Variants in CHRNA5 observed in about 807,000 individuals in gnomAD.
CHRNA5 encodes the protein neuronal acetylcholine receptor subunit alpha-5.
CHRNA5 carries 28 observed loss-of-function variants against 41.2 expected under a neutral mutation model. The ratio of observed to expected loss-of-function variants is 0.68; its 90% CI spans 0.50 to 0.93. The LOEUF is 0.93. Among genes scored for constraint, CHRNA5 ranks in the 40% least tolerant of loss-of-function variants. The probability of loss-of-function intolerance (pLI) is 0.00; values close to 1 mark genes in which losing one functional copy is unlikely to be tolerated. For missense variants in CHRNA5, 481 were observed against 581.9 expected (o/e 0.83, Z 1.78); for synonymous variants, 188 against 205.8 (o/e 0.91, Z 0.74).
At chr15:78,570,424 A>ATTTTTTTTTTTTTTTTTTTTTTTTTTTT (rs71148540) in intron 1 of CHRNA5, among the ~76,000 whole-genome samples, 2 of 64,172 alleles carry the variant, frequency 3.1e-5, no homozygotes, top group Non-Finnish European at 5.3e-5. Flanking sequence ...AATCCCGGCT[A>ATTTTTTTTTTTTTTTTTTTTTTTTTTTT]TTTTTTTTTT....
At chr15:78,593,337 G>T in exon 6 of CHRNA5, 2 of 1,356,816 alleles carry the variant, frequency 1.5e-6, no homozygotes, top group Non-Finnish European at 9.8e-7. Flanking sequence ...TGTAAGTTAT[G>T]TGTTAAATTT....
At chr15:78,575,217 A>G (rs1276660462) in intron 1 of CHRNA5, among the ~76,000 whole-genome samples, 6 of 152,158 alleles carry the variant, frequency 3.9e-5, no homozygotes, top group Admixed American at 6.5e-5. Flanking sequence ...TTAGGCAATG[A>G]ATGATAGTAA....
chr15:78,581,375 G>T (rs1442000672), intron 2 of CHRNA5, among the ~76,000 whole-genome samples: 2 of 152,046 alleles, frequency 1.3e-5, no homozygotes, highest in African/African-American at 4.8e-5. Flanking sequence ...CATTATCTTG[G>T]GCTCACACTT....
chr15:78,593,153 T>G (rs202066018), exon 6 of CHRNA5: 2 of 1,613,974 alleles, frequency 1.2e-6, no homozygotes, highest in South Asian at 1.1e-5. Flanking sequence ...TGGACTTTTC[T>G]TTTCGTTTCA....
intron 2 of CHRNA5, among the ~76,000 whole-genome samples, chr15:78,584,929 G>A (rs1231034236): frequency 6.6e-6 from 1 of 152,106 alleles, no homozygotes; most frequent in Non-Finnish European, 1.5e-5. Context: ...GTGACTTTAA[G>A]CAAGTCACCT....
exon 6 of CHRNA5, chr15:78,594,455 T>A (rs900023271): frequency 6.6e-6 from 1 of 152,172 alleles, no homozygotes; most frequent in African/African-American, 2.4e-5. Flanking sequence ...GGCAGGTGGA[T>A]CACCAGAGGT....
In CHRNA5 at chr15:78,593,155, T is replaced by C; in HGVS notation, c.1309T>C (p.Phe437Leu). 6.2e-7 allele frequency: 1 copy of C among 1,613,930 alleles called. No homozygotes were observed. The highest frequency in any genetic ancestry group is 8.5e-7 in the Non-Finnish European group (1 of 1,179,932). The stretch of plus-strand genomic sequence containing the variant: ...TCGGATGTTTCTGTGGACTTTTCTT[T>C]TCGTTTCAATTGTTGGATCTCTTGG... Residue 437 changes from phenylalanine to leucine, a missense_variant, in exon 6 of 6, where the codon TTC becomes CTC. Transcript: ENST00000299565.
chr15:78,583,070 C>CA (rs2052928140), intron 2 of CHRNA5, among the ~76,000 whole-genome samples: 1 of 152,100 alleles, frequency 6.6e-6, no homozygotes, highest in South Asian at 2.1e-4. Context: ...CCATTACACT[C>CA]ACTGGTACTC....
chr15:78,575,971 A>G (rs1387076712), intron 1 of CHRNA5, among the ~76,000 whole-genome samples: 1 of 152,188 alleles, frequency 6.6e-6, no homozygotes, highest in Non-Finnish European at 1.5e-5. Context: ...TCTCTTGCCC[A>G]TTTAAAAATT....
chr15:78,592,804 T>C (rs1163048309), intron 5 of CHRNA5, among the ~76,000 whole-genome samples: 1 of 152,202 alleles, frequency 6.6e-6, no homozygotes. Flanking sequence ...TTTTAGTTTA[T>C]TGTAAAATAT....
At chr15:78,565,566 C>G (rs1378796828) in exon 1 of CHRNA5, 2 of 219,602 alleles carry the variant, frequency 9.1e-6, no homozygotes, top group Admixed American at 5.8e-5. Flanking sequence ...AGGCTGCTGT[C>G]CCGGCGGGAG....
chr15:78,569,072 T>G (rs1330387298), intron 1 of CHRNA5, among the ~76,000 whole-genome samples: 3 of 152,230 alleles, frequency 2.0e-5, no homozygotes, highest in African/African-American at 7.2e-5. Flanking sequence ...ACAATTTAAT[T>G]TGCAATTTAA....
intron 1 of CHRNA5, among the ~76,000 whole-genome samples, chr15:78,579,228 T>G (rs1189568696): frequency 9.1e-6 from 1 of 109,812 alleles, no homozygotes; most frequent in Non-Finnish European, 1.9e-5. Flanking sequence ...ATACATTTAT[T>G]TATTTATTAT....
intron 1 of CHRNA5, among the ~76,000 whole-genome samples, chr15:78,580,279 CAAA>C (rs71148541): frequency 7.1e-4 from 44 of 61,990 alleles, no homozygotes; most frequent in African/African-American, 2.5e-3. Context: ...GACTCCGTCT[CAAA>C]AAAAAAAAAA....
chr15:78,580,984 T>C (rs1567057565), intron 2 of CHRNA5, 22 bp downstream of exon 2: 1 of 1,605,026 alleles, frequency 6.2e-7, no homozygotes, highest in Admixed American at 1.7e-5. Flanking sequence ...TATCCTTCTA[T>C]AGTCAATTTC....
At chr15:78,590,022 G>C (rs776966489) in exon 5 of CHRNA5, 3 of 1,614,200 alleles carry the variant, frequency 1.9e-6, no homozygotes, top group Middle Eastern at 1.6e-4. Flanking sequence ...AGACAAGAGA[G>C]ATTTTTTTGA....
At chr15:78,593,293 C>T (rs372674046) in exon 6 of CHRNA5, 103 of 1,523,854 alleles carry the variant, frequency 6.8e-5, no homozygotes, top group South Asian at 2.8e-4. Flanking sequence ...AGTTAACACA[C>T]ATATATCTGA....
intron 1 of CHRNA5, among the ~76,000 whole-genome samples, chr15:78,579,999 G>T (rs1434693063): frequency 6.6e-6 from 1 of 151,856 alleles, no homozygotes. Context: ...ATTATGACAG[G>T]CCAGGCACAG....
chr15:78,594,360 C>T (rs1273263589), exon 6 of CHRNA5: 1 of 152,136 alleles, frequency 6.6e-6, no homozygotes, highest in African/African-American at 2.4e-5. Flanking sequence ...CAGTCCACTA[C>T]AATTACATGA....
Sources: gnomAD v4.1 joint callset for allele counts (sites outside exome capture counted in the v4.1 genomes callset) on GRCh38, gnomAD v4.1.1 for gene constraint, MANE v1.5 for transcripts, NCBI Gene and HGNC (gene_info 2026-07-23, HGNC 2026-07-21) for gene names.